Variants in HORMAD2 observed in about 807,000 individuals in gnomAD.
The protein encoded by HORMAD2 is HORMA domain-containing protein 2.
A neutral mutation model predicts 38.8 loss-of-function variants in HORMAD2; 45 were observed. That is an observed-to-expected ratio of 1.16 (90% confidence interval 0.91 to 1.49). The LOEUF (loss-of-function observed/expected upper bound fraction) is 1.49. HORMAD2 is among the 40% of genes most tolerant of loss of function. HORMAD2 has a pLI of 0.00. For missense variants in HORMAD2, 338 were observed against 367.0 expected (o/e 0.92, Z 0.65); for synonymous variants, 126 against 122.8 (o/e 1.03, Z -0.17).
intron 1 of HORMAD2, among the ~76,000 whole-genome samples, chr22:30,086,145 C>T (rs1326901604): frequency 6.6e-6 from 1 of 152,126 alleles, no homozygotes; most frequent in Non-Finnish European, 1.5e-5. Context: ...GTAGCACCTC[C>T]CCTTTCCCTC....
intron 1 of HORMAD2, among the ~76,000 whole-genome samples, chr22:30,085,903 C>T (rs1294570058): frequency 6.6e-6 from 1 of 152,160 alleles, no homozygotes; most frequent in Non-Finnish European, 1.5e-5. Context: ...GGGCACATAA[C>T]CCAGACTTCG....
intron 10 of HORMAD2, among the ~76,000 whole-genome samples, chr22:30,161,589 T>C (rs1925444232): frequency 1.3e-5 from 2 of 152,214 alleles, no homozygotes; most frequent in African/African-American, 4.8e-5. Context: ...CACCTTTAAC[T>C]ACCACGGAAT....
the HORMAD2 span, among the ~76,000 whole-genome samples, chr22:30,201,751 A>G: frequency 9.2e-5 from 14 of 151,874 alleles, no homozygotes; most frequent in African/African-American, 3.4e-4. Flanking sequence ...GGGGGACACA[A>G]TCCCGCAACA....
the HORMAD2 span, among the ~76,000 whole-genome samples, chr22:30,200,411 C>T: frequency 6.6e-6 from 1 of 152,226 alleles, no homozygotes; most frequent in South Asian, 2.1e-4. Context: ...CAAGATCCCA[C>T]ATAGGTTTAC....
chr22:30,103,819 G>T (rs911292755), intron 4 of HORMAD2, among the ~76,000 whole-genome samples: 1 of 151,038 alleles, frequency 6.6e-6, no homozygotes, highest in South Asian at 2.1e-4. Flanking sequence ...ATGCCACCAC[G>T]CTCAGCTAAT....
intron 10 of HORMAD2, among the ~76,000 whole-genome samples, chr22:30,145,528 A>C (rs1331591142): frequency 6.6e-6 from 1 of 152,220 alleles, no homozygotes; most frequent in African/African-American, 2.4e-5. Flanking sequence ...TAGACCCTAG[A>C]GCTGAAAAAT....
intron 10 of HORMAD2, among the ~76,000 whole-genome samples, chr22:30,167,313 G>A (rs1469764471): frequency 6.6e-6 from 1 of 152,096 alleles, no homozygotes; most frequent in Non-Finnish European, 1.5e-5. Context: ...CTGTAGAGAC[G>A]CCCCCCTTTT....
chr22:30,181,120 C>T (rs1236117301), downstream of HORMAD2, among the ~76,000 whole-genome samples: 1 of 151,228 alleles, frequency 6.6e-6, no homozygotes, highest in Non-Finnish European at 1.5e-5. Flanking sequence ...AAGCAATTCT[C>T]CCACCTCAGC....
chr22:30,121,181 C>T lies in HORMAD2; in HGVS notation c.411-451C>T, dbSNP rs555622509. On this transcript the variant is annotated intron_variant, in intron 8 of 10. Coordinates refer to ENST00000336726, the MANE Select transcript of HORMAD2 (RefSeq NM_152510.4). ...GGGATACTTTTGCGAGATAATCAGA[C>T]GGTAGAAAGTCCCAGAGCTGGTGAT... 7.9e-5 allele frequency among the ~76,000 whole-genome samples: 12 copies of T among 152,210 alleles called. No homozygotes were observed. In the South Asian group the frequency reaches 1.5e-3, roughly 18 times the overall value.
Position 30,103,437 on chromosome 22 carries a change from A to G in HORMAD2, c.194A>G (p.Asp65Gly). ...ESSYGERHLD[D>G]LSLKILREDK... Reference sequence around the variant, plus strand: ...ATAGACTGTGTTTCTGTTTTTGTAGACCTCAGTTTAAAAATCCTCCGAGAA... The same window carrying G: ...ATAGACTGTGTTTCTGTTTTTGTAGGCCTCAGTTTAAAAATCCTCCGAGAA... Residue 65 changes from aspartate (D) to glycine (G), a missense_variant and splice_region_variant, in exon 4 of 11, where the codon GAC becomes GGC. Transcript: ENST00000336726. 6.6e-7 allele frequency: 1 copy of G among 1,524,012 alleles called. No homozygotes were observed. Among genetic ancestry groups the G allele is most frequent in the Non-Finnish European group, 8.9e-7 (1 of 1,121,034 alleles). 94.4% of individuals were successfully genotyped at this position (1,524,012 alleles called of 1,614,324 possible).
chr22:30,199,228 C>T, the HORMAD2 span, among the ~76,000 whole-genome samples: 3 of 152,336 alleles, frequency 2.0e-5, no homozygotes, highest in Non-Finnish European at 4.4e-5. Flanking sequence ...GAAACGCAGG[C>T]GTGATCAGTA....
chr22:30,137,399 G>C, intron 10 of HORMAD2: 1 of 460,534 alleles, frequency 2.2e-6, no homozygotes, highest in Non-Finnish European at 4.3e-6. Flanking sequence ...AATGGGTCAA[G>C]GTATTTGAGC....
chr22:30,088,242 T>C (rs1413858165), intron 1 of HORMAD2, among the ~76,000 whole-genome samples: 1 of 150,318 alleles, frequency 6.7e-6, no homozygotes, highest in Non-Finnish European at 1.5e-5. Context: ...TACACACATA[T>C]ATACATATAC....
intron 6 of HORMAD2, 125 bp downstream of exon 6, chr22:30,111,941 T>C: frequency 1.6e-6 from 1 of 639,014 alleles, no homozygotes; most frequent in East Asian, 3.0e-5. Context: ...TGTCTTGGAA[T>C]TAAAAACATA....
intron 10 of HORMAD2, among the ~76,000 whole-genome samples, chr22:30,141,145 G>A (rs921120474): frequency 6.6e-6 from 1 of 151,818 alleles, no homozygotes; most frequent in Non-Finnish European, 1.5e-5. Context: ...TTACAGGCAT[G>A]CACCACCATG....
chr22:30,204,626 G>A, the HORMAD2 span, among the ~76,000 whole-genome samples: 8 of 152,178 alleles, frequency 5.3e-5, no homozygotes, highest in Non-Finnish European at 8.8e-5. Flanking sequence ...TGTCCTGGCC[G>A]TCCCTACATG....
At chr22:30,100,776 A>G (rs1920937505) in intron 3 of HORMAD2, among the ~76,000 whole-genome samples, 1 of 152,244 alleles carries the variant, frequency 6.6e-6, no homozygotes, top group Non-Finnish European at 1.5e-5. Flanking sequence ...GGCAAAGGAT[A>G]TGAACAGACA....
intron 10 of HORMAD2, among the ~76,000 whole-genome samples, chr22:30,132,120 G>A (rs1923325346): frequency 6.6e-6 from 1 of 152,134 alleles, no homozygotes; most frequent in Admixed American, 6.5e-5. Flanking sequence ...TGCATTTTTT[G>A]AGGTATAGTC....
chr22:30,094,119 C>T (rs996562156), intron 2 of HORMAD2, 116 bp downstream of exon 2: 14 of 700,468 alleles, frequency 2.0e-5, no homozygotes, highest in Middle Eastern at 3.8e-4. Flanking sequence ...TTAATTGGCA[C>T]ATAATATTCT....
Sources: allele counts gnomAD v4.1 joint callset (sites outside exome capture counted in the v4.1 genomes callset), GRCh38; gene constraint gnomAD v4.1.1; transcripts MANE v1.5; gene names NCBI Gene and HGNC (gene_info 2026-07-23, HGNC 2026-07-21).